Variants in CACNG3 observed in about 807,000 individuals in gnomAD.
CACNG3 encodes calcium voltage-gated channel auxiliary subunit gamma 3, also known as voltage-dependent calcium channel gamma-3 subunit.
In CACNG3, 3 loss-of-function variants were observed where a neutral mutation model predicts 28.5. The ratio of observed to expected loss-of-function variants is 0.11; its 90% CI spans 0.05 to 0.27. CACNG3 has a LOEUF of 0.27. Ranked by LOEUF, CACNG3 falls within the 10% of genes least tolerant of loss-of-function variation. The pLI is 1.00. For synonymous variants in CACNG3, 174 were observed against 162.2 expected (o/e 1.07, Z -0.55); for missense variants, 236 against 414.4 (o/e 0.57, Z 3.74).
chr16:24,263,910 G>T (rs1458724094), intron 1 of CACNG3, among the ~76,000 whole-genome samples: 1 of 152,240 alleles, frequency 6.6e-6, no homozygotes, highest in Non-Finnish European at 1.5e-5. Flanking sequence ...CCTCAGTGAG[G>T]TACCTGTGGC....
intron 1 of CACNG3, among the ~76,000 whole-genome samples, chr16:24,258,025 T>C (rs1240138757): frequency 1.3e-5 from 2 of 152,136 alleles, no homozygotes; most frequent in East Asian, 1.9e-4. Flanking sequence ...GGGGTTTTCT[T>C]AGGCTTCCGA....
At chr16:24,286,564 C>T (rs893560039) in intron 1 of CACNG3, among the ~76,000 whole-genome samples, 1 of 152,140 alleles carries the variant, frequency 6.6e-6, no homozygotes, top group Non-Finnish European at 1.5e-5. Context: ...TTGCCATCGC[C>T]ATGCTGGCCC....
intron 2 of CACNG3, among the ~76,000 whole-genome samples, chr16:24,352,515 G>T (rs895519237): frequency 1.5e-4 from 19 of 127,722 alleles, no homozygotes; most frequent in South Asian, 8.5e-4. Flanking sequence ...GGGTTATGGG[G>T]TTTTTTTTGT....
chr16:24,280,993 A>T (rs1360780831), intron 1 of CACNG3, among the ~76,000 whole-genome samples: 1 of 152,144 alleles, frequency 6.6e-6, no homozygotes, highest in African/African-American at 2.4e-5. Flanking sequence ...AGACAGAAAG[A>T]GAGAAAAAGC....
chr16:24,354,882 G>A lies in CACNG3; in HGVS notation c.345G>A (p.Leu115=), dbSNP rs1364878465. 5.6e-6 allele frequency: 9 copies of A among 1,612,338 alleles called. No homozygotes were observed. The South Asian group carries it at 8.8e-5, about 16-fold the overall frequency. ...SVFPILSVTL[L]FFGGLCVAAS... is the part of the protein sequence containing the mutation. ...TCCCCATCCTCAGTGTCACGCTGCT[G>A]TTCTTCGGCGGGCTCTGCGTGGCAG... Residue 115 remains leucine (L), a synonymous_variant, in exon 3 of 4, where the codon CTG becomes CTA. Coordinates refer to ENST00000005284, the MANE Select transcript of CACNG3 (RefSeq NM_006539.4).
intron 1 of CACNG3, among the ~76,000 whole-genome samples, chr16:24,294,207 GA>G (rs1455800862): frequency 6.6e-6 from 1 of 152,222 alleles, no homozygotes; most frequent in Non-Finnish European, 1.5e-5. Context: ...GCTTAGAGAG[GA>G]TGCTGGAAGA....
At position 24,317,607 on chromosome 16, in the gene CACNG3, AAAG is replaced by A. The variant is rs1567217439; in HGVS notation, c.212-29124_212-29122del. 1.1e-3 allele frequency among the ~76,000 whole-genome samples: 82 copies of A among 74,170 alleles called. 1 individual carries two copies. The highest frequency in any genetic ancestry group is 3.0e-3 in the African/African-American group (48 of 16,098). 48.7% of individuals were successfully genotyped at this position (74,170 alleles called of 152,430 possible). On this transcript the variant is annotated intron_variant, in intron 1 of 3. Transcript: ENST00000005284. ...GAAAGAAAGAAAGAAAGAAAGAAAG[AAAG>A]AAAGAAAGAAAGAAAGACAGACAGA... is the stretch of plus-strand genomic sequence containing the variant.
intron 1 of CACNG3, among the ~76,000 whole-genome samples, chr16:24,262,708 T>C (rs1898552006): frequency 1.3e-5 from 2 of 152,242 alleles, no homozygotes; most frequent in African/African-American, 4.8e-5. Context: ...CGTATCATCA[T>C]CGGTGGAAAG....
chr16:24,271,680 T>A (rs917757509), intron 1 of CACNG3, among the ~76,000 whole-genome samples: 9 of 152,190 alleles, frequency 5.9e-5, no homozygotes, highest in Admixed American at 5.2e-4. Context: ...CCTGAGGATT[T>A]AGCAGAAAAT....
chr16:24,323,207 C>A lies in CACNG3; in HGVS notation c.212-23527C>A, dbSNP rs528686306. Among the ~76,000 whole-genome samples the A allele has an allele frequency of 3.6e-5, 4 of 111,138 alleles. No individual in the cohort carries two copies. The South Asian group carries it at 1.2e-3, about 33-fold the overall frequency. The allele number at this position is 111,138 out of a possible 152,430, so 72.9% of individuals were successfully genotyped here. On this transcript the variant is annotated intron_variant, in intron 1 of 3. Coordinates refer to ENST00000005284, the MANE Select transcript of CACNG3 (RefSeq NM_006539.4). ...GAGCCACTACATTCAGCCTGGGCCA[C>A]AGAGCAGGACTCAAAAAAAAAAAAA...
At chr16:24,258,883 T>A (rs1898502940) in intron 1 of CACNG3, among the ~76,000 whole-genome samples, 1 of 152,164 alleles carries the variant, frequency 6.6e-6, no homozygotes, top group Non-Finnish European at 1.5e-5. Context: ...CTCATTATGA[T>A]CTATGAAAAA....
At chr16:24,329,158 C>T (rs1195681845) in intron 1 of CACNG3, among the ~76,000 whole-genome samples, 1 of 152,186 alleles carries the variant, frequency 6.6e-6, no homozygotes, top group Non-Finnish European at 1.5e-5. Context: ...AGGTCTTTAC[C>T]TTGCAGAACT....
At chr16:24,355,393 T>C (rs1187184075) in intron 3 of CACNG3, among the ~76,000 whole-genome samples, 4 of 151,944 alleles carry the variant, frequency 2.6e-5, no homozygotes, top group African/African-American at 7.3e-5. Flanking sequence ...GGCAGCACAG[T>C]GAGACCCTCA....
At chr16:24,286,556 G>A (rs996785352) in intron 1 of CACNG3, among the ~76,000 whole-genome samples, 7 of 152,148 alleles carry the variant, frequency 4.6e-5, no homozygotes, top group South Asian at 2.1e-4. Flanking sequence ...GTCCTCTGTT[G>A]CCATCGCCAT....
chr16:24,280,821 CAAAAAAAAAAAA>C (rs71154295), intron 1 of CACNG3, among the ~76,000 whole-genome samples: 1 of 55,626 alleles, frequency 1.8e-5, no homozygotes, highest in Non-Finnish European at 3.2e-5. Flanking sequence ...GAGTTTGTCT[CAAAAAAAAAAAA>C]AAAAAAAAAA....
chr16:24,342,222 T>C (rs752554483), intron 1 of CACNG3, among the ~76,000 whole-genome samples: 29 of 152,130 alleles, frequency 1.9e-4, no homozygotes, highest in Non-Finnish European at 3.7e-4. Flanking sequence ...AAGCTAAGAT[T>C]GCACCACTGC....
At chr16:24,344,972 TG>T (rs1223675359) in intron 1 of CACNG3, among the ~76,000 whole-genome samples, 1 of 152,150 alleles carries the variant, frequency 6.6e-6, no homozygotes, top group African/African-American at 2.4e-5. Flanking sequence ...GATTTTCCAT[TG>T]TCTCATTATC....
At chr16:24,287,542 A>C (rs1021596125) in intron 1 of CACNG3, among the ~76,000 whole-genome samples, 4 of 151,866 alleles carry the variant, frequency 2.6e-5, no homozygotes, top group Non-Finnish European at 5.9e-5. Context: ...AAAGGAAGAA[A>C]AAGAAAAAAA....
At chr16:24,298,904 G>A (rs921283360) in intron 1 of CACNG3, among the ~76,000 whole-genome samples, 2 of 152,156 alleles carry the variant, frequency 1.3e-5, no homozygotes, top group African/African-American at 2.4e-5. Context: ...TGGGTTTGGG[G>A]GAAGAAGTCC....
Sources: gnomAD v4.1 joint callset for allele counts (sites outside exome capture counted in the v4.1 genomes callset) on GRCh38, gnomAD v4.1.1 for gene constraint, MANE v1.5 for transcripts, NCBI Gene and HGNC (gene_info 2026-07-23, HGNC 2026-07-21) for gene names.